The following RBFOX1 variants were observed in gnomAD, a reference collection of about 807,000 sequenced individuals.
RBFOX1 encodes the protein RNA binding fox-1 homolog 1, also known as RNA binding protein fox-1 homolog 1.
A neutral mutation model predicts 57.7 loss-of-function variants in RBFOX1; 8 were observed. The observed-to-expected ratio is 0.14, with a 90% CI of 0.08 to 0.25. The LOEUF is 0.25. Ranked by LOEUF, RBFOX1 falls within the 10% of genes least tolerant of loss-of-function variation. RBFOX1 has a pLI of 1.00. For synonymous variants in RBFOX1, 326 were observed against 222.4 expected (o/e 1.47, Z -4.15); for missense variants, 611 against 548.5 (o/e 1.11, Z -1.14).
chr16:6,240,884 A>G (rs1188966454), intron 1 of RBFOX1, among the ~76,000 whole-genome samples: 5 of 152,270 alleles, frequency 3.3e-5, no homozygotes, highest in Middle Eastern at 6.8e-3. Flanking sequence ...CTTTCTCACC[A>G]TGAAGTTCCC....
chr16:6,377,196 C>G (rs544763261), intron 2 of RBFOX1, among the ~76,000 whole-genome samples: 1 of 151,482 alleles, frequency 6.6e-6, no homozygotes, highest in African/African-American at 2.4e-5. Flanking sequence ...ATCACTTAAG[C>G]CCAGGAAGTG....
At chr16:5,676,673 C>G (rs564608921) in intron 3 of RBFOX1, among the ~76,000 whole-genome samples, 1 of 152,244 alleles carries the variant, frequency 6.6e-6, no homozygotes, top group African/African-American at 2.4e-5. Context: ...CCAGCCTGGC[C>G]AATGTGACAA....
At chr16:5,783,929 C>T (rs994017660) in intron 3 of RBFOX1, among the ~76,000 whole-genome samples, 6 of 152,186 alleles carry the variant, frequency 3.9e-5, no homozygotes, top group South Asian at 2.1e-4. Context: ...GAAATCCTAG[C>T]CCCCAAGGTT....
At chr16:6,325,020 T>A (rs2082214223) in intron 2 of RBFOX1, among the ~76,000 whole-genome samples, 1 of 152,128 alleles carries the variant, frequency 6.6e-6, no homozygotes, top group South Asian at 2.1e-4. Flanking sequence ...GAAACTAATA[T>A]TAATATAATT....
At position 7,544,173 on chromosome 16, in the gene RBFOX1, A is replaced by G. The variant is rs2083770339; in HGVS notation, c.270+25784A>G. The stretch of plus-strand genomic sequence containing the variant: ...CCTAAAGACTGGGCTTTGAGTTGCT[A>G]CATTATATTTCACACCTCTGTCCTT... On this transcript the variant is annotated intron_variant, in intron 5 of 15. Coordinates refer to ENST00000550418, the MANE Select transcript of RBFOX1 (RefSeq NM_018723.4). 2.0e-5 allele frequency among the ~76,000 whole-genome samples: 3 copies of G among 152,236 alleles called. No homozygotes were observed. The South Asian group carries it at 6.2e-4, about 32-fold the overall frequency.
intron 1 of RBFOX1, among the ~76,000 whole-genome samples, chr16:6,149,272 G>A (rs1415801877): frequency 6.6e-6 from 1 of 152,182 alleles, no homozygotes; most frequent in Non-Finnish European, 1.5e-5. Flanking sequence ...GTAAATAGAC[G>A]AGGTGTACTT....
intron 3 of RBFOX1, among the ~76,000 whole-genome samples, chr16:6,979,991 C>A (rs886761844): frequency 1.3e-5 from 2 of 152,060 alleles, no homozygotes; most frequent in Non-Finnish European, 1.5e-5. Context: ...CTTCTAACAC[C>A]GTTTCTCCTT....
At chr16:7,666,944 C>T (rs2069530409) in intron 13 of RBFOX1, among the ~76,000 whole-genome samples, 1 of 152,074 alleles carries the variant, frequency 6.6e-6, no homozygotes, top group African/African-American at 2.4e-5. Flanking sequence ...TCTTCCAGTC[C>T]TAAGTTGTCT....
intron 1 of RBFOX1, among the ~76,000 whole-genome samples, chr16:6,052,636 T>C (rs1288939564): frequency 6.6e-6 from 1 of 151,558 alleles, no homozygotes; most frequent in Non-Finnish European, 1.5e-5. Flanking sequence ...TACAAAAAAT[T>C]AGACTGGCGC....
At chr16:5,415,437 G>A (rs1239743383) in intron 1 of RBFOX1, among the ~76,000 whole-genome samples, 4 of 152,176 alleles carry the variant, frequency 2.6e-5, no homozygotes, top group African/African-American at 9.7e-5. Flanking sequence ...TTAGAGATGA[G>A]ATTTGGGTGG....
intron 4 of RBFOX1, among the ~76,000 whole-genome samples, chr16:7,113,381 T>C (rs2065200977): frequency 6.6e-6 from 1 of 152,190 alleles, no homozygotes; most frequent in African/African-American, 2.4e-5. Context: ...TAAAGATTCT[T>C]ACAAAGCAAA....
At chr16:6,616,357 A>C (rs994250391) in intron 2 of RBFOX1, among the ~76,000 whole-genome samples, 2 of 151,560 alleles carry the variant, frequency 1.3e-5, no homozygotes, top group African/African-American at 2.4e-5. Context: ...AGTGATAGTG[A>C]CTCAAATACA....
intron 3 of RBFOX1, among the ~76,000 whole-genome samples, chr16:6,902,271 T>A (rs1301709002): frequency 6.6e-6 from 1 of 152,324 alleles, no homozygotes; most frequent in Non-Finnish European, 1.5e-5. Flanking sequence ...CCCGTTTTTG[T>A]TTCCACTGTG....
chr16:7,254,341 C>A (rs920126066), intron 4 of RBFOX1, among the ~76,000 whole-genome samples: 3 of 152,158 alleles, frequency 2.0e-5, no homozygotes, highest in African/African-American at 4.8e-5. Context: ...GGAAGACCAA[C>A]CCTGGGCTCC....
intron 1 of RBFOX1, among the ~76,000 whole-genome samples, chr16:6,116,055 T>C (rs1372576304): frequency 6.6e-6 from 1 of 151,978 alleles, no homozygotes; most frequent in African/African-American, 2.4e-5. Flanking sequence ...ATAAAGAAAA[T>C]GTGGCACATA....
chr16:7,092,061 C>G (rs2151133750), intron 4 of RBFOX1, among the ~76,000 whole-genome samples: 1 of 152,268 alleles, frequency 6.6e-6, no homozygotes. Flanking sequence ...CTTCTAGCAC[C>G]TAAGATATAT....
chr16:6,697,902 A>G (rs1314865537), intron 3 of RBFOX1, among the ~76,000 whole-genome samples: 1 of 152,214 alleles, frequency 6.6e-6, no homozygotes. Flanking sequence ...GGATGTGGCC[A>G]GAAGACCAAA....
intron 3 of RBFOX1, among the ~76,000 whole-genome samples, chr16:6,757,459 G>T (rs576807633): frequency 1.3e-5 from 2 of 152,294 alleles, no homozygotes; most frequent in South Asian, 4.1e-4. Flanking sequence ...ATACTATTCA[G>T]CCCTGAAAAA....
chr16:7,493,414 A>G (rs1261789553), intron 4 of RBFOX1, among the ~76,000 whole-genome samples: 1 of 152,224 alleles, frequency 6.6e-6, no homozygotes, highest in Non-Finnish European at 1.5e-5. Flanking sequence ...TCCACATCAT[A>G]ATCACTGGAA....
Sources: gnomAD v4.1 joint callset for allele counts (sites outside exome capture counted in the v4.1 genomes callset) on GRCh38, gnomAD v4.1.1 for gene constraint, MANE v1.5 for transcripts, NCBI Gene and HGNC (gene_info 2026-07-23, HGNC 2026-07-21) for gene names.